The following AQP5 variants were observed in gnomAD, a reference collection of about 807,000 sequenced individuals.
AQP5 encodes the protein aquaporin-5.
AQP5 carries 15 observed loss-of-function variants against 19.1 expected under a neutral mutation model. The observed-to-expected ratio is 0.79, with a 90% confidence interval of 0.53 to 1.21. AQP5 has a LOEUF of 1.21. AQP5 is among the 50% of genes most tolerant of loss of function. The pLI, the probability that AQP5 is intolerant of heterozygous loss-of-function variation, is 0.00. For synonymous variants in AQP5, 182 were observed against 160.3 expected, an observed-to-expected ratio of 1.14 and a Z score of -1.02; for missense variants, 355 against 357.1, an observed-to-expected ratio of 0.99 and a Z score of 0.05.
intron 3 of AQP5, among the ~76,000 whole-genome samples, chr12:49,964,475 T>G (rs1947465664): frequency 6.6e-6 from 1 of 152,142 alleles, no homozygotes; most frequent in Admixed American, 6.5e-5. Flanking sequence ...GAGGATTTGG[T>G]GTCCGTCCCC....
Position 49,965,381 on chromosome 12 carries a change from G to A in AQP5, c.*204G>A, listed in dbSNP as rs1190089672. 1 of 592,768 alleles carries A rather than the reference G, an allele frequency of 1.7e-6. No individual in the cohort carries two copies. Among genetic ancestry groups the A allele is most frequent in the Non-Finnish European group, 2.9e-6 (1 of 348,514 alleles). 36.7% of individuals were successfully genotyped at this position (592,768 alleles called of 1,614,324 possible). A position where few individuals can be genotyped will look rare whatever the true frequency, so the allele number is the denominator to read the frequency against. On this transcript the variant is annotated 3_prime_UTR_variant, in exon 4 of 4. Transcript: ENST00000293599. Reference sequence around the variant, plus strand: ...AGGGGCCAGGGGCTGGGGTCTGCTGGGGACAGGTCTCTCTGGGACAGACCT... The same window carrying A: ...AGGGGCCAGGGGCTGGGGTCTGCTGAGGACAGGTCTCTCTGGGACAGACCT...
intron 3 of AQP5, 126 bp from the exon 4 acceptor site, chr12:49,964,866 G>T: frequency 6.8e-7 from 1 of 1,475,614 alleles, no homozygotes. Flanking sequence ...CTTTCTCCCT[G>T]AAGGTCTGGA....
At chr12:49,963,683 G>T (rs766637307) in intron 2 of AQP5, 27 bp downstream of exon 2, 2 of 1,604,452 alleles carry the variant, frequency 1.2e-6, no homozygotes, top group Admixed American at 1.7e-5. Context: ...TTGGGCTGGG[G>T]TGAGGGTGGG....
At position 49,964,840 on chromosome 12, in the gene AQP5, C is replaced by T. The variant is rs780562944; in HGVS notation, c.613-152C>T. On this transcript the variant is annotated intron_variant, in intron 3 of 3. Coordinates refer to ENST00000293599, the MANE Select transcript of AQP5 (RefSeq NM_001651.4). Reference sequence around the variant, plus strand: ...AGTGGTGTGTCAGTATATTCGTCCCCGAGGTGGGAGGAAGTCTTTCTCCCT... The same window carrying T: ...AGTGGTGTGTCAGTATATTCGTCCCTGAGGTGGGAGGAAGTCTTTCTCCCT... 1.1e-4 allele frequency: 151 copies of T among 1,430,004 alleles called. 1 individual carries two copies. The highest frequency in any genetic ancestry group is 1.3e-4 in the Non-Finnish European group (142 of 1,097,694). The allele number at this position is 1,430,004 out of a possible 1,614,324, so 88.6% of individuals were successfully genotyped here. A position where few individuals can be genotyped will look rare whatever the true frequency, so the allele number is the denominator to read the frequency against.
chr12:49,963,711 A>G (rs760320903), intron 2 of AQP5, 55 bp downstream of exon 2: 1 of 1,581,568 alleles, frequency 6.3e-7, no homozygotes, highest in Admixed American at 1.7e-5. Flanking sequence ...CTCAAGGCAA[A>G]TAATGGAGCC....
At position 49,965,147 on chromosome 12, in the gene AQP5, G is replaced by A; in HGVS notation, c.768G>A (p.Arg256=). Residue 256 remains arginine (R), a synonymous_variant, in exon 4 of 4, where the codon CGG becomes CGA. Transcript: ENST00000293599. ...ACTGGGAGGAGCAGCGGGAAGAGCG[G>A]AAGAAGACCATGGAGCTGACCACCC... ...DEDWEEQREE[R]KKTMELTTR is the part of the protein sequence containing the mutation. The A allele has an allele frequency of 1.9e-6, 3 of 1,613,146 alleles. No individual in the cohort carries two copies. The highest frequency in any genetic ancestry group is 2.7e-5 in the African/African-American group (2 of 75,024).
intron 1 of AQP5, 87 bp from the exon 2 acceptor site, chr12:49,963,405 T>C: frequency 6.5e-7 from 1 of 1,545,624 alleles, no homozygotes; most frequent in Non-Finnish European, 8.8e-7. Flanking sequence ...GCTCTAAGTG[T>C]CCCTGGAGGC....
At position 49,962,019 on chromosome 12, in the gene AQP5, TGAA is replaced by T. The variant is rs773025827; in HGVS notation, c.7_9del (p.Lys3?). 1,011 of 1,436,404 alleles carry T rather than the reference TGAA, an allele frequency of 7.0e-4. 1 individual carries two copies. Among genetic ancestry groups the T allele is most frequent in the Non-Finnish European group, 7.6e-4 (830 of 1,086,658 alleles). 89.0% of individuals were successfully genotyped at this position (1,436,404 alleles called of 1,614,324 possible). A position where few individuals can be genotyped will look rare whatever the true frequency, so the allele number is the denominator to read the frequency against. Reference sequence around the variant, plus strand: ...TGCCGCCGGGCCCCCGCGGCCACCATGAAGAAGGAGGTGTGCTCCGTGGCCTTC... The same window carrying T: ...TGCCGCCGGGCCCCCGCGGCCACCATGAAGGAGGTGTGCTCCGTGGCCTTC... On this transcript the variant is annotated start_lost and inframe_deletion, in exon 1 of 4. Coordinates refer to ENST00000293599, the MANE Select transcript of AQP5 (RefSeq NM_001651.4).
intron 3 of AQP5, 21 bp downstream of exon 3, chr12:49,964,196 G>A: frequency 4.3e-6 from 7 of 1,609,998 alleles, no homozygotes; most frequent in Non-Finnish European, 6.0e-6. Flanking sequence ...CCCTTCCCCT[G>A]GCTCCCTGGA....
rs538064477 is a variant in AQP5, at chr12:49,962,008, C to T, written c.-10C>T. ...GCCGCGGCAGCTGCCGCCGGGCCCC[C>T]GCGGCCACCATGAAGAAGGAGGTGT... On this transcript the variant is annotated 5_prime_UTR_variant, in exon 1 of 4. Coordinates refer to ENST00000293599, the MANE Select transcript of AQP5 (RefSeq NM_001651.4). 7.2e-7 allele frequency: 1 copy of T among 1,387,494 alleles called. No homozygotes were observed. The highest frequency in any genetic ancestry group is 1.5e-5 in the African/African-American group (1 of 67,386). The allele number at this position is 1,387,494 out of a possible 1,614,324, so 85.9% of individuals were successfully genotyped here. A position where few individuals can be genotyped will look rare whatever the true frequency, so the allele number is the denominator to read the frequency against.
At position 49,963,609 on chromosome 12, in the gene AQP5, C is replaced by T. The variant is rs1451649777; in HGVS notation, c.481C>T (p.Pro161Ser). ...CCGCCGCACCAGCCCTGTGGGCTCCCCAGCCCTGTCCATTGGCCTGTCTGT... is the reference window on the plus strand; with the variant it reads ...CCGCCGCACCAGCCCTGTGGGCTCCTCAGCCCTGTCCATTGGCCTGTCTGT... ...DSRRTSPVGSPALSIGLSVTL... is the reference protein window; with the variant it reads ...DSRRTSPVGSSALSIGLSVTL... Residue 161 changes from proline to serine, a missense_variant, in exon 2 of 4, where the codon CCA (proline) becomes TCA (serine). By Grantham distance (74) the Pro-to-Ser change is moderately conservative. Coordinates refer to ENST00000293599, the MANE Select transcript of AQP5 (RefSeq NM_001651.4). The T allele has an allele frequency of 3.1e-6, 5 of 1,613,762 alleles. No individual in the cohort carries two copies. Among genetic ancestry groups the T allele is most frequent in the East Asian group, 4.5e-5 (2 of 44,898 alleles).
chr12:49,962,563 C>T, intron 1 of AQP5, 183 bp downstream of exon 1: 1 of 738,380 alleles, frequency 1.4e-6, no homozygotes, highest in South Asian at 2.1e-5. Context: ...TCCCTTCCTG[C>T]CCACCTCCTC....
In AQP5 at chr12:49,965,013, G is replaced by A. The variant is rs75180659; in HGVS notation, c.634G>A (p.Val212Met). Residue 212 changes from valine (V) to methionine (M), a missense_variant, in exon 4 of 4, where the codon GTG becomes ATG. Coordinates refer to ENST00000293599, the MANE Select transcript of AQP5 (RefSeq NM_001651.4). ...AHWVFWVGPI[V>M]GAVLAAILYF... Reference sequence around the variant, plus strand: ...CCAGGTTTTCTGGGTAGGGCCCATCGTGGGGGCGGTCCTGGCTGCCATCCT... The same window carrying A: ...CCAGGTTTTCTGGGTAGGGCCCATCATGGGGGCGGTCCTGGCTGCCATCCT... 623 of 1,613,772 alleles carry A rather than the reference G, an allele frequency of 3.9e-4. 3 individuals are homozygous for A. In the East Asian group the frequency reaches 8.8e-3, roughly 23 times the overall value.
chr12:49,963,679 TG>T, intron 2 of AQP5, 23 bp downstream of exon 2: 2 of 1,606,622 alleles, frequency 1.2e-6, no homozygotes, highest in Non-Finnish European at 8.5e-7. Context: ...GACATTGGGC[TG>T]GGGTGAGGGT....
At chr12:49,962,983 A>C (rs1592821438) in intron 1 of AQP5, 1 of 163,102 alleles carries the variant, frequency 6.1e-6, no homozygotes, top group Admixed American at 5.9e-5. Flanking sequence ...CCTCCCTCCC[A>C]CCTCCTGCAG....
At chr12:49,964,001 C>T (rs1947458695) in intron 2 of AQP5, 91 bp from the exon 3 acceptor site, 2 of 1,312,854 alleles carry the variant, frequency 1.5e-6, no homozygotes, top group African/African-American at 1.5e-5. Flanking sequence ...TGGCTGAGCC[C>T]CTGGACTGCA....
chr12:49,962,532 A>ACAGC (rs1947440716), intron 1 of AQP5, 152 bp downstream of exon 1: 4 of 1,217,396 alleles, frequency 3.3e-6, no homozygotes, highest in Non-Finnish European at 4.4e-6. Context: ...CAGGAAGGCA[A>ACAGC]CTCTCCAGGC....
intron 2 of AQP5, 64 bp downstream of exon 2, chr12:49,963,720 C>T: frequency 7.0e-6 from 11 of 1,562,924 alleles, no homozygotes; most frequent in South Asian, 1.2e-5. Context: ...AATAATGGAG[C>T]CCTGGAGCGG....
At chr12:49,964,855 T>A in intron 3 of AQP5, 137 bp from the exon 4 acceptor site, 1 of 1,452,956 alleles carries the variant, frequency 6.9e-7, no homozygotes, top group Non-Finnish European at 9.0e-7. Flanking sequence ...TGGGAGGAAG[T>A]CTTTCTCCCT....
Sources: gnomAD v4.1 joint callset for allele counts (sites outside exome capture counted in the v4.1 genomes callset) on GRCh38, gnomAD v4.1.1 for gene constraint, MANE v1.5 for transcripts, NCBI Gene and HGNC (gene_info 2026-07-23, HGNC 2026-07-21) for gene names.